Variants in PLET1 observed in about 807,000 individuals in gnomAD.
PLET1 encodes placenta expressed transcript 1.
A neutral mutation model predicts 18.5 loss-of-function variants in PLET1; 20 were observed. That is an observed-to-expected ratio of 1.08 (90% CI 0.76 to 1.57). The LOEUF (loss-of-function observed/expected upper bound fraction) is 1.57. Ranked by LOEUF, PLET1 falls within the 40% of genes most tolerant of loss-of-function variation. PLET1 has a pLI of 0.00. For missense variants in PLET1, 256 were observed against 246.4 expected, an observed-to-expected ratio of 1.04 and a Z score of -0.26; for synonymous variants, 93 against 93.8, an observed-to-expected ratio of 0.99 and a Z score of 0.05.
rs1411324842 is a variant in PLET1, at chr11:112,254,858, GT to G, written c.386+529del. On this transcript the variant is annotated intron_variant, in intron 2 of 3. Coordinates refer to ENST00000338832, the MANE Select transcript of PLET1 (RefSeq NM_001145024.1). The stretch of plus-strand genomic sequence containing the variant: ...ATGTGTTGTGTGTGGTGTGTGTGTG[GT>G]ATGTGTGTGTGGTGCATGTGGTATG... 2.9e-5 allele frequency among the ~76,000 whole-genome samples: 4 copies of G among 135,602 alleles called. No individual in the cohort carries two copies. The Admixed American group carries it at 3.0e-4, about 10-fold the overall frequency. 89.0% of individuals were successfully genotyped at this position (135,602 alleles called of 152,430 possible).
chr11:112,259,184 G>A (rs543161525), intron 1 of PLET1, among the ~76,000 whole-genome samples: 2 of 152,274 alleles, frequency 1.3e-5, no homozygotes, highest in Non-Finnish European at 2.9e-5. Context: ...CCAGCACATC[G>A]TAAGAAGGGT....
chr11:112,250,680 CTCTGTA>C (rs1860146778), intron 3 of PLET1, among the ~76,000 whole-genome samples: 1 of 152,160 alleles, frequency 6.6e-6, no homozygotes, highest in Admixed American at 6.5e-5. Context: ...GGACACCCTA[CTCTGTA>C]ATAGAGTAGC....
rs1373018933 is a variant in PLET1, at chr11:112,248,328, C to T, written c.*471G>A. ...TGCCAGCAGCCTCAGAGCTATTTCT[C>T]CTTTCTCCTTTCTTTCTTGAGTCAC... On this transcript the variant is annotated 3_prime_UTR_variant, in exon 4 of 4. Transcript: ENST00000338832. Among the ~76,000 whole-genome samples the T allele has an allele frequency of 1.3e-5, 2 of 151,950 alleles. No homozygotes were observed. Among genetic ancestry groups the T allele is most frequent in the Non-Finnish European group, 2.9e-5 (2 of 68,008 alleles).
intron 3 of PLET1, among the ~76,000 whole-genome samples, 182 bp downstream of exon 3, chr11:112,252,166 A>C (rs1288129429): frequency 6.6e-6 from 1 of 152,204 alleles, no homozygotes. Context: ...TGTTTTCTAA[A>C]GGACATGGGA....
chr11:112,252,432 A>G (rs1592889500), intron 2 of PLET1, 23 bp from the exon 3 acceptor site: 2 of 1,546,292 alleles, frequency 1.3e-6, no homozygotes, highest in East Asian at 4.9e-5. Context: ...AATCAATGAG[A>G]GATAATGCTG....
chr11:112,260,514 T>C lies in PLET1; in HGVS notation c.76A>G (p.Thr26Ala), dbSNP rs573278534. 24 of 1,551,668 alleles carry C rather than the reference T, an allele frequency of 1.5e-5. No homozygotes were observed. In the African/African-American group the frequency reaches 2.7e-4, roughly 18 times the overall value. ...LCLSLQLSSATFIRYSSTCFT... is the reference protein window; with the variant it reads ...LCLSLQLSSAAFIRYSSTCFT... ...CAGGTGCTACTGTACCTTATAAAGG[T>C]GGCAGAAGAAAGCTGCAGACTGAGG... The change falls in exon 1 of 4, where the codon ACC becomes GCC. Residue 26 changes from threonine to alanine, a missense_variant. By Grantham distance (58) the Thr-to-Ala change is moderately conservative (BLOSUM62 0). Coordinates refer to ENST00000338832, the MANE Select transcript of PLET1 (RefSeq NM_001145024.1).
Position 112,255,581 on chromosome 11 carries a change from G to C in PLET1, c.193C>G (p.Pro65Ala), listed in dbSNP as rs1301377145. ...ACAGCATAGACGCTGTCATTCACGG[G>C]AACAAATACTGGGAGGAAATGATGA... ...ESNAVYSVFVPVNDSVYAVVM... is the reference protein window; with the variant it reads ...ESNAVYSVFVAVNDSVYAVVM... Residue 65 changes from proline (P) to alanine (A), a missense_variant, in exon 2 of 4, where the codon CCC becomes GCC. By Grantham distance (27) the Pro-to-Ala change is conservative. Coordinates refer to ENST00000338832, the MANE Select transcript of PLET1 (RefSeq NM_001145024.1). The C allele has an allele frequency of 6.4e-7, 1 of 1,550,906 alleles. No homozygotes were observed. Among genetic ancestry groups the C allele is most frequent in the Non-Finnish European group, 8.7e-7 (1 of 1,146,746 alleles).
intron 1 of PLET1, 87 bp from the exon 2 acceptor site, chr11:112,255,676 C>T: frequency 3.4e-6 from 4 of 1,182,044 alleles, no homozygotes; most frequent in African/African-American, 1.5e-5. Context: ...CAAAACAAAG[C>T]GTGAAACAAG....
chr11:112,259,863 C>T (rs1037141770), intron 1 of PLET1, among the ~76,000 whole-genome samples: 26 of 152,150 alleles, frequency 1.7e-4, no homozygotes, highest in African/African-American at 5.3e-4. Flanking sequence ...CATGGAGAAG[C>T]CCCATCTCTA....
In PLET1 at chr11:112,254,921, ATGTG is replaced by A. The variant is rs559128138; in HGVS notation, c.386+463_386+466del. On this transcript the variant is annotated intron_variant, in intron 2 of 3. Transcript: ENST00000338832. Reference sequence around the variant, plus strand: ...TGTATGTGGTGTGTGTGGGGTATGTATGTGTGTGTGCTGTGAGCGTGTGTGTGGT... The same window carrying A: ...TGTATGTGGTGTGTGTGGGGTATGTATGTGTGCTGTGAGCGTGTGTGTGGT... Among the ~76,000 whole-genome samples, 8 of 75,498 alleles carry A rather than the reference ATGTG, an allele frequency of 1.1e-4. No individual in the cohort carries two copies. The East Asian group carries it at 2.1e-3, about 19-fold the overall frequency. 49.5% of individuals were successfully genotyped at this position (75,498 alleles called of 152,430 possible).
At chr11:112,249,059 A>G (rs1455888581) in intron 3 of PLET1, 85 bp from the exon 4 acceptor site, 6 of 1,228,364 alleles carry the variant, frequency 4.9e-6, no homozygotes, top group Non-Finnish European at 6.8e-6. Context: ...TCGAGAAAGG[A>G]GGGTAATCTG....
chr11:112,258,441 G>A (rs901279404), intron 1 of PLET1, among the ~76,000 whole-genome samples: 2 of 151,782 alleles, frequency 1.3e-5, no homozygotes, highest in African/African-American at 4.8e-5. Flanking sequence ...ACATCATCAC[G>A]TCTGGCTAAT....
At position 112,255,547 on chromosome 11, in the gene PLET1, T is replaced by G. The variant is rs768923598; in HGVS notation, c.227A>C (p.Lys76Thr). Residue 76 changes from lysine to threonine, a missense_variant, in exon 2 of 4, where the codon AAA (lysine) becomes ACA (threonine). Lys to Thr is a moderately conservative substitution (Grantham distance 78, BLOSUM62 -1). Coordinates refer to ENST00000338832, the MANE Select transcript of PLET1 (RefSeq NM_001145024.1). ...TGAGTCACTGTTCTCGTCCAAGGTTTTCATGACCACAGCATAGACGCTGTC... is the reference window on the plus strand; with the variant it reads ...TGAGTCACTGTTCTCGTCCAAGGTTGTCATGACCACAGCATAGACGCTGTC... ...VNDSVYAVVM[K>T]TLDENSDSAG... The G allele has an allele frequency of 9.7e-6, 15 of 1,551,408 alleles. No homozygotes were observed. Among genetic ancestry groups the G allele is most frequent in the African/African-American group, 1.4e-5 (1 of 73,010 alleles).
At chr11:112,257,133 C>T (rs1860232036) in intron 1 of PLET1, among the ~76,000 whole-genome samples, 1 of 152,170 alleles carries the variant, frequency 6.6e-6, no homozygotes, top group Admixed American at 6.5e-5. Flanking sequence ...TTACAGTATC[C>T]AACACATGTT....
intron 2 of PLET1, 123 bp from the exon 3 acceptor site, chr11:112,252,532 A>G (rs1860166950): frequency 4.9e-6 from 4 of 808,214 alleles, no homozygotes; most frequent in Non-Finnish European, 8.0e-6. Flanking sequence ...GTATGGCACA[A>G]TGAGCAGATC....
intron 1 of PLET1, among the ~76,000 whole-genome samples, chr11:112,255,826 T>C (rs150332587): frequency 6.6e-6 from 1 of 152,378 alleles, no homozygotes; most frequent in African/African-American, 2.4e-5. Context: ...ATTTTCTTTC[T>C]AGTGCTTTTT....
intron 2 of PLET1, among the ~76,000 whole-genome samples, chr11:112,254,392 T>C (rs996212412): frequency 6.8e-6 from 1 of 147,964 alleles, no homozygotes; most frequent in Non-Finnish European, 1.5e-5. Flanking sequence ...GGGGTGTGTG[T>C]GTGGTACCTC....
Position 112,260,661 on chromosome 11 carries a change from C to T in PLET1, c.-72G>A, listed in dbSNP as rs1860279240. The T allele has an allele frequency of 7.5e-7, 1 of 1,341,430 alleles. No individual in the cohort carries two copies. The highest frequency in any genetic ancestry group is 2.2e-5 in the Admixed American group (1 of 44,892). 83.1% of individuals were successfully genotyped at this position (1,341,430 alleles called of 1,614,324 possible). ...TGACAACTCACCTCTTGTTTATATG[C>T]CAGGGCTTCTGGGTGAAGTCATACA... On this transcript the variant is annotated 5_prime_UTR_variant, in exon 1 of 4. The change creates a premature stop within an existing upstream ORF in the 5' untranslated region. Transcript: ENST00000338832.
intron 2 of PLET1, among the ~76,000 whole-genome samples, chr11:112,254,962 G>T (rs1464779108): frequency 2.6e-4 from 9 of 35,194 alleles, no homozygotes; most frequent in Non-Finnish European, 5.4e-4. Context: ...TGTGTGATAT[G>T]TATGTGAGTG....
Sources: allele counts gnomAD v4.1 joint callset (sites outside exome capture counted in the v4.1 genomes callset), GRCh38; gene constraint gnomAD v4.1.1; transcripts MANE v1.5; gene names NCBI Gene and HGNC (gene_info 2026-07-23, HGNC 2026-07-21).